SHROOM2: variants seen among roughly 807,000 people sequenced by gnomAD.
SHROOM2 encodes protein Shroom2.
SHROOM2 carries 33 observed loss-of-function variants against 75.9 expected under a neutral mutation model. That is an observed-to-expected ratio of 0.43 (90% CI 0.33 to 0.58). SHROOM2 has a LOEUF of 0.58. SHROOM2 is among the 20% of genes least tolerant of loss of function. The probability of loss-of-function intolerance (pLI) is 0.04; values close to 1 mark genes in which losing one functional copy is unlikely to be tolerated. For missense variants in SHROOM2, 1,434 were observed against 1,461.2 expected (o/e 0.98, Z 0.30); for synonymous variants, 655 against 663.6 (o/e 0.99, Z 0.20).
intron 5 of SHROOM2, among the ~76,000 whole-genome samples, chrX:9,908,978 C>A (rs868789107): frequency 6.5e-5 from 5 of 76,512 alleles, no homozygotes; most frequent in African/African-American, 8.0e-5. Flanking sequence ...TAAATAAAAA[C>A]AAAAATAAAA....
chrX:9,886,634 TCTA>T (rs1454676605), intron 2 of SHROOM2, among the ~76,000 whole-genome samples: 1 of 110,111 alleles, frequency 9.1e-6, no homozygotes, highest in Non-Finnish European at 1.9e-5. Context: ...CAACCACCAT[TCTA>T]CTTTCTGCAT....
chrX:9,831,109 A>G (rs763568903), intron 1 of SHROOM2, among the ~76,000 whole-genome samples: 1 of 112,443 alleles, frequency 8.9e-6, no homozygotes, highest in South Asian at 3.7e-4. Context: ...GACTTTTGTC[A>G]GAAAAGACTG....
intron 2 of SHROOM2, among the ~76,000 whole-genome samples, chrX:9,885,076 T>G (rs1004144115): frequency 2.3e-4 from 26 of 111,358 alleles, no homozygotes; most frequent in African/African-American, 8.2e-4. Flanking sequence ...TAAATAAAAT[T>G]TTTAAATGAT....
chrX:9,838,399 G>C (rs1203231659), intron 1 of SHROOM2, among the ~76,000 whole-genome samples: 2 of 110,500 alleles, frequency 1.8e-5, no homozygotes, highest in East Asian at 5.7e-4. Context: ...GGCTGGGATT[G>C]GGTTGTTGCC....
chrX:9,819,669 G>A (rs756283386), intron 1 of SHROOM2, among the ~76,000 whole-genome samples: 13 of 111,700 alleles, frequency 1.2e-4, no homozygotes, highest in South Asian at 7.5e-4. Context: ...TAATGGCTGC[G>A]CAAAAGCTCT....
chrX:9,935,267 G>A (rs1380830535), intron 6 of SHROOM2, among the ~76,000 whole-genome samples: 1 of 110,169 alleles, frequency 9.1e-6, no homozygotes, highest in South Asian at 3.8e-4. Flanking sequence ...AGGGTTCTGC[G>A]TTTGCTGGTG....
At chrX:9,848,510 C>CAAAAAAAAAAAAAAAA (rs774991614) in intron 1 of SHROOM2, among the ~76,000 whole-genome samples, 11 of 21,993 alleles carry the variant, frequency 5.0e-4, no homozygotes, top group Non-Finnish European at 9.5e-4. Context: ...GACTCCGTCT[C>CAAAAAAAAAAAAAAAA]AAAAAAAAAA....
chrX:9,873,670 G>A lies in SHROOM2; in HGVS notation c.184G>A (p.Ala62Thr). Reference protein sequence around the residue: ...VITKIEEGSKAAAVDKLLAGD... With the variant: ...VITKIEEGSKTAAVDKLLAGD... ...GTTACAGATTGAAGAGGGCAGTAAA[G>A]CCGCGGCGGTCGACAAGTTACTGGC... is the stretch of plus-strand genomic sequence containing the variant. Residue 62 changes from alanine (A) to threonine (T), a missense_variant, in exon 2 of 10, where the codon GCC (alanine) becomes ACC (threonine). Physicochemically the swap from Ala to Thr is moderately conservative, Grantham distance 58. Around this residue, in one of 3 missense-constraint regions of SHROOM2, gnomAD observed 1,340 missense variants for 1,338.3 expected, o/e 1.00. Transcript: ENST00000380913. The A allele has an allele frequency of 8.3e-7, 1 of 1,211,781 alleles. No individual in the cohort carries two copies. Among genetic ancestry groups the A allele is most frequent in the Non-Finnish European group, 1.1e-6 (1 of 895,438 alleles).
At chrX:9,829,587 G>A (rs2083905334) in intron 1 of SHROOM2, among the ~76,000 whole-genome samples, 1 of 112,106 alleles carries the variant, frequency 8.9e-6, no homozygotes, top group Admixed American at 9.5e-5. Flanking sequence ...GACACATTGA[G>A]ATTCTAGGGC....
chrX:9,838,057 GTTTT>G (rs573554791), intron 1 of SHROOM2, among the ~76,000 whole-genome samples: 1 of 75,794 alleles, frequency 1.3e-5, no homozygotes, highest in East Asian at 4.9e-4. Context: ...TGTGTGTGTG[GTTTT>G]TTTTTTTTTT....
intron 1 of SHROOM2, among the ~76,000 whole-genome samples, chrX:9,872,147 G>C (rs2084174214): frequency 8.9e-6 from 1 of 112,706 alleles, no homozygotes; most frequent in Admixed American, 9.4e-5. Flanking sequence ...GGTGGTGGGA[G>C]GGGGAAAGAA....
At chrX:9,898,091 C>T (rs1417987645) in intron 4 of SHROOM2, 99 bp from the exon 5 acceptor site, 2 of 686,457 alleles carry the variant, frequency 2.9e-6, no homozygotes, top group Non-Finnish European at 4.6e-6. Flanking sequence ...GTAGAACTGC[C>T]CTGGCAAGGC....
At chrX:9,926,897 C>T (rs1434832669) in intron 5 of SHROOM2, among the ~76,000 whole-genome samples, 1 of 110,340 alleles carries the variant, frequency 9.1e-6, no homozygotes, top group Admixed American at 9.7e-5. Context: ...GTCTGAAATC[C>T]AAAACACTTC....
chrX:9,919,920 C>T (rs1357071506), intron 5 of SHROOM2, among the ~76,000 whole-genome samples: 1 of 111,007 alleles, frequency 9.0e-6, no homozygotes, highest in East Asian at 2.8e-4. Context: ...CACTACAGCT[C>T]ATCAGACAGA....
chrX:9,880,899 T>G (rs1378142765), intron 2 of SHROOM2, among the ~76,000 whole-genome samples: 1 of 111,760 alleles, frequency 8.9e-6, no homozygotes, highest in Non-Finnish European at 1.9e-5. Flanking sequence ...TGAAGGTACT[T>G]TTAGAACCAA....
At chrX:9,866,501 C>A (rs2084139552) in intron 1 of SHROOM2, among the ~76,000 whole-genome samples, 1 of 110,515 alleles carries the variant, frequency 9.0e-6, no homozygotes, top group Non-Finnish European at 1.9e-5. Flanking sequence ...AGCTGAAAAC[C>A]CTGCGGCAGG....
At chrX:9,812,804 C>T (rs1234249656) in intron 1 of SHROOM2, among the ~76,000 whole-genome samples, 1 of 112,325 alleles carries the variant, frequency 8.9e-6, no homozygotes, top group Non-Finnish European at 1.9e-5. Flanking sequence ...TATATTGCTG[C>T]TGAAGACAAA....
chrX:9,867,750 C>A (rs1194312565), intron 1 of SHROOM2, among the ~76,000 whole-genome samples: 1 of 111,798 alleles, frequency 8.9e-6, no homozygotes, highest in African/African-American at 3.3e-5. Flanking sequence ...GGTACTTTAT[C>A]TGGATAAGGA....
At chrX:9,873,555 G>A (rs745627861) in intron 1 of SHROOM2, 97 bp from the exon 2 acceptor site, 28 of 1,023,833 alleles carry the variant, frequency 2.7e-5, no homozygotes, top group African/African-American at 1.7e-4. Flanking sequence ...GCCCATTCCC[G>A]CCAAGTGTGA....
Sources: allele counts gnomAD v4.1 joint callset (sites outside exome capture counted in the v4.1 genomes callset), GRCh38; gene constraint gnomAD v4.1.1; regional missense constraint gnomAD v4.1.1; transcripts MANE v1.5; gene names NCBI Gene and HGNC (gene_info 2026-07-23, HGNC 2026-07-21).